TOR1A: variants seen among roughly 807,000 people sequenced by gnomAD.
TOR1A encodes the protein torsin family 1 member A.
A neutral mutation model predicts 31.4 loss-of-function variants in TOR1A; 18 were observed. The ratio of observed to expected loss-of-function variants is 0.57; its 90% CI spans 0.40 to 0.85. TOR1A has a LOEUF of 0.85. Among genes scored for constraint, TOR1A ranks in the 40% least tolerant of loss-of-function variants. The pLI is 0.00. For missense variants in TOR1A, 375 were observed against 416.4 expected (o/e 0.90, Z 0.87); for synonymous variants, 168 against 165.9 (o/e 1.01, Z -0.10).
intron 2 of TOR1A, among the ~76,000 whole-genome samples, chr9:129,820,190 C>T (rs2031151504): frequency 6.6e-6 from 1 of 151,988 alleles, no homozygotes; most frequent in Non-Finnish European, 1.5e-5. Context: ...GACATGATCT[C>T]AGCTCACTGC....
chr9:129,822,481 G>T, intron 2 of TOR1A, 100 bp downstream of exon 2: 1 of 1,503,532 alleles, frequency 6.7e-7, no homozygotes, highest in Non-Finnish European at 9.2e-7. Flanking sequence ...CGTTTTCCGG[G>T]CTCACTCATT....
chr9:129,813,873 C>T lies in TOR1A; in HGVS notation c.*99G>A. ...ATCAAACAGGAACATTCACTGGATT[C>T]CTCTTCCAGGGAAAGGAGCTGGGGG... On this transcript the variant is annotated 3_prime_UTR_variant, in exon 5 of 5. Transcript: ENST00000351698. 1 of 1,503,412 alleles carries T rather than the reference C, an allele frequency of 6.7e-7. No homozygotes were observed. Among genetic ancestry groups the T allele is most frequent in the Non-Finnish European group, 9.2e-7 (1 of 1,091,782 alleles). The allele number at this position is 1,503,412 out of a possible 1,614,324, so 93.1% of individuals were successfully genotyped here.
intron 4 of TOR1A, among the ~76,000 whole-genome samples, chr9:129,814,886 C>T (rs573030928): frequency 7.9e-5 from 12 of 152,286 alleles, no homozygotes; most frequent in Admixed American, 6.5e-4. Flanking sequence ...GTGCCCAGAC[C>T]CTGCAGAGCA....
chr9:129,818,910 T>G lies in TOR1A; in HGVS notation c.455A>C (p.Gln152Pro). The G allele has an allele frequency of 6.2e-7, 1 of 1,613,294 alleles. No individual in the cohort carries two copies. The highest frequency in any genetic ancestry group is 8.5e-7 in the Non-Finnish European group (1 of 1,180,014). ...ACTCACGTTGCCTCGAATCCACAAC[T>G]GTAACTGATCCTGAATTAAAAGGGG... is the stretch of plus-strand genomic sequence containing the variant. ...SNITLYKDQL[Q>P]LWIRGNVSAC... Residue 152 changes from glutamine to proline, a missense_variant, in exon 3 of 5, where the codon CAG becomes CCG. Coordinates refer to ENST00000351698, the MANE Select transcript of TOR1A (RefSeq NM_000113.3).
Position 129,815,786 on chromosome 9 carries a change from G to A in TOR1A, c.749-1564C>T, listed in dbSNP as rs542448584. Among the ~76,000 whole-genome samples, 10 of 152,252 alleles carry A rather than the reference G, an allele frequency of 6.6e-5. No individual in the cohort carries two copies. In the Middle Eastern group the frequency reaches 0.01, roughly 155 times the overall value. On this transcript the variant is annotated intron_variant, in intron 4 of 4. Coordinates refer to ENST00000351698, the MANE Select transcript of TOR1A (RefSeq NM_000113.3). ...CAATGGCAGTGCCACCCTTCCCATC[G>A]CTCAAGCCAGGTCCTTGATTCTTCT... is the stretch of plus-strand genomic sequence containing the variant.
In TOR1A at chr9:129,814,066, T is replaced by G. The variant is rs201785707; in HGVS notation, c.905A>C (p.Glu302Ala). The stretch of plus-strand genomic sequence containing the variant: ...CTCTTTGGGGAAAAATGTCATCTCC[T>G]CAGCCACTCTGCTTACAATGTCTTC... The part of the protein sequence containing the change: ...IDEDIVSRVA[E>A]EMTFFPKEER... Residue 302 changes from glutamate to alanine, a missense_variant, in exon 5 of 5, where the codon GAG (glutamate) becomes GCG (alanine). By Grantham distance (107) the Glu-to-Ala change is moderately radical. Transcript: ENST00000351698. 9.3e-6 allele frequency: 15 copies of G among 1,614,218 alleles called. No individual in the cohort carries two copies.
Position 129,813,694 on chromosome 9 carries a change from A to G in TOR1A, c.*278T>C. ...CAGAAACACTTGGAATTAAAACATA[A>G]TTTGTAAAAAATCATGAGCCCTGCG... is the stretch of plus-strand genomic sequence containing the variant. On this transcript the variant is annotated 3_prime_UTR_variant, in exon 5 of 5. Coordinates refer to ENST00000351698, the MANE Select transcript of TOR1A (RefSeq NM_000113.3). 1.9e-6 allele frequency: 1 copy of G among 531,832 alleles called. No homozygotes were observed. Among genetic ancestry groups the G allele is most frequent in the Non-Finnish European group, 3.4e-6 (1 of 296,304 alleles). 32.9% of individuals were successfully genotyped at this position (531,832 alleles called of 1,614,324 possible). A position where few individuals can be genotyped will look rare whatever the true frequency, so the allele number is the denominator to read the frequency against.
At chr9:129,821,111 TG>T (rs2031174980) in intron 2 of TOR1A, among the ~76,000 whole-genome samples, 2 of 152,150 alleles carry the variant, frequency 1.3e-5, no homozygotes, top group African/African-American at 4.8e-5. Flanking sequence ...GAGACCAGCC[TG>T]GCCAACAAGG....
chr9:129,822,911 G>GC, intron 1 of TOR1A, 65 bp from the exon 2 acceptor site: 1 of 1,611,398 alleles, frequency 6.2e-7, no homozygotes, highest in Non-Finnish European at 8.5e-7. Flanking sequence ...CACATTTACA[G>GC]CCCATAAGAA....
rs760544647 is a variant in TOR1A at position 129,818,928 on chromosome 9, A to T, written c.445-8T>A. ...CCACAACTGTAACTGATCCTGAATTAAAAGGGGAAAAAGCGAACACAAAGT... is the reference window on the plus strand; with the variant it reads ...CCACAACTGTAACTGATCCTGAATTTAAAGGGGAAAAAGCGAACACAAAGT... On this transcript the variant is annotated splice_region_variant and splice_polypyrimidine_tract_variant and intron_variant, in intron 2 of 4. Coordinates refer to ENST00000351698, the MANE Select transcript of TOR1A (RefSeq NM_000113.3). The T allele has an allele frequency of 3.7e-6, 6 of 1,611,156 alleles. No individual in the cohort carries two copies. In the African/African-American group the frequency reaches 6.7e-5, roughly 18 times the overall value.
At chr9:129,816,171 GC>G (rs1256683329) in intron 4 of TOR1A, among the ~76,000 whole-genome samples, 1 of 152,018 alleles carries the variant, frequency 6.6e-6, no homozygotes, top group Non-Finnish European at 1.5e-5. Context: ...CCAAGCACAG[GC>G]CCCCCTCGGG....
At position 129,824,106 on chromosome 9, in the gene TOR1A, G is replaced by T. The variant is rs1180684182; in HGVS notation, c.-21C>A. On this transcript the variant is annotated 5_prime_UTR_variant, in exon 1 of 5. Transcript: ENST00000351698. ...TTCATGCCCGGACCCGCGCCACCCT[G>T]CTTGTTCTCGCGCCGACCGCGAACC... 6 of 1,550,272 alleles carry T rather than the reference G, an allele frequency of 3.9e-6. No individual in the cohort carries two copies. In the East Asian group the frequency reaches 1.2e-4, roughly 31 times the overall value.
Position 129,813,973 on chromosome 9 carries a change from C to T in TOR1A, c.998G>A (p.Ter333=). 1.2e-6 allele frequency: 2 copies of T among 1,614,044 alleles called. No homozygotes were observed. Among genetic ancestry groups the T allele is most frequent in the Non-Finnish European group, 1.7e-6 (2 of 1,180,044 alleles). ...GACTCCGGCTGCCAATCATGACTGT[C>T]AATCATCGTAGTAATAATCTAACTT... The part of the protein sequence containing the change: ...FTKLDYYYDD[*] The change falls in exon 5 of 5, where the codon TGA becomes TAA. Residue 333 remains the stop codon, a stop_retained_variant. Coordinates refer to ENST00000351698, the MANE Select transcript of TOR1A (RefSeq NM_000113.3).
chr9:129,824,113 C>T lies in TOR1A; in HGVS notation c.-28G>A, dbSNP rs1159218566. ...CCGGACCCGCGCCACCCTGCTTGTTCTCGCGCCGACCGCGAACCGGTGCAG... is the reference window on the plus strand; with the variant it reads ...CCGGACCCGCGCCACCCTGCTTGTTTTCGCGCCGACCGCGAACCGGTGCAG... On this transcript the variant is annotated 5_prime_UTR_variant, in exon 1 of 5. Transcript: ENST00000351698. The T allele has an allele frequency of 6.5e-7, 1 of 1,545,140 alleles. No individual in the cohort carries two copies. The highest frequency in any genetic ancestry group is 8.7e-7 in the Non-Finnish European group (1 of 1,150,674).
At chr9:129,817,674 G>A (rs2031072541) in intron 4 of TOR1A, among the ~76,000 whole-genome samples, 1 of 146,926 alleles carries the variant, frequency 6.8e-6, no homozygotes, top group Non-Finnish European at 1.5e-5. Context: ...ACTCCAGCCT[G>A]GGCAACAGAG....
chr9:129,814,236 A>T lies in TOR1A; in HGVS notation c.749-14T>A. The T allele has an allele frequency of 6.2e-7, 1 of 1,614,030 alleles. No homozygotes were observed. The highest frequency in any genetic ancestry group is 8.5e-7 in the Non-Finnish European group (1 of 1,179,980). ...GCCAGAAGCCACCTGGGAAGAAGAAACAAGGTGCTGTTCATCCACATCCAC... is the reference window on the plus strand; with the variant it reads ...GCCAGAAGCCACCTGGGAAGAAGAATCAAGGTGCTGTTCATCCACATCCAC... On this transcript the variant is annotated splice_polypyrimidine_tract_variant and intron_variant, in intron 4 of 4. Coordinates refer to ENST00000351698, the MANE Select transcript of TOR1A (RefSeq NM_000113.3).
chr9:129,818,618 A>G lies in TOR1A; in HGVS notation c.650T>C (p.Val217Ala). ...TCCACTCCTCCAGAAATCCAAAGCC[A>G]CATCTGTGATCCTTTCTGCTCCAGC... Reference protein sequence around the residue: ...SNAGAERITDVALDFWRSGKQ... With the variant: ...SNAGAERITDAALDFWRSGKQ... The change falls in exon 4 of 5, where the codon GTG becomes GCG. Residue 217 changes from valine to alanine, a missense_variant. Physicochemically the swap from Val to Ala is moderately conservative, Grantham distance 64 (BLOSUM62 0). Coordinates refer to ENST00000351698, the MANE Select transcript of TOR1A (RefSeq NM_000113.3). 1 of 1,614,234 alleles carries G rather than the reference A, an allele frequency of 6.2e-7. No individual in the cohort carries two copies. The highest frequency in any genetic ancestry group is 1.1e-5 in the South Asian group (1 of 91,088).
Position 129,823,967 on chromosome 9 carries a change from G to T in TOR1A, c.119C>A (p.Pro40Gln). The stretch of plus-strand genomic sequence containing the variant: ...CTCGGCGAAGAGGCAGTAGAGACGC[G>T]GGTAGATGTAGCCGGTGAGGACGCC... ...LAGVLTGYIY[P>Q]RLYCLFAECC... Residue 40 changes from proline to glutamine, a missense_variant, in exon 1 of 5, where the codon CCG (proline) becomes CAG (glutamine). Physicochemically the swap from Pro to Gln is moderately conservative, Grantham distance 76. Coordinates refer to ENST00000351698, the MANE Select transcript of TOR1A (RefSeq NM_000113.3). 2 of 1,611,296 alleles carry T rather than the reference G, an allele frequency of 1.2e-6. No homozygotes were observed. The highest frequency in any genetic ancestry group is 1.7e-6 in the Non-Finnish European group (2 of 1,179,514).
intron 1 of TOR1A, chr9:129,823,235 A>AAGG (rs1324692147): frequency 1.4e-5 from 5 of 349,960 alleles, no homozygotes; most frequent in Middle Eastern, 9.7e-4. Context: ...CTAGGCTAGA[A>AAGG]AGGAGGCAGA....
Sources: gnomAD v4.1 joint callset for allele counts (sites outside exome capture counted in the v4.1 genomes callset) on GRCh38, gnomAD v4.1.1 for gene constraint, MANE v1.5 for transcripts, NCBI Gene and HGNC (gene_info 2026-07-23, HGNC 2026-07-21) for gene names.